THEMIS: variants seen among roughly 807,000 people sequenced by gnomAD.
THEMIS encodes the protein protein THEMIS.
A neutral mutation model predicts 52.6 loss-of-function variants in THEMIS; 37 were observed. The observed-to-expected ratio is 0.70, with a 90% CI of 0.54 to 0.93. THEMIS has a LOEUF of 0.93. THEMIS is among the 40% of genes least tolerant of loss of function. The pLI, the probability that THEMIS is intolerant of heterozygous loss-of-function variation, is 0.00. For synonymous variants in THEMIS, 292 were observed against 272.7 expected (o/e 1.07, Z -0.70); for missense variants, 808 against 763.1 (o/e 1.06, Z -0.69).
chr6:127,823,063 T>C (rs1778394280), intron 3 of THEMIS, among the ~76,000 whole-genome samples: 1 of 152,158 alleles, frequency 6.6e-6, no homozygotes, highest in Non-Finnish European at 1.5e-5. Context: ...TTAGCACACA[T>C]AGATATTCTT....
intron 2 of THEMIS, among the ~76,000 whole-genome samples, chr6:127,842,816 T>C (rs1779093402): frequency 6.6e-6 from 1 of 151,892 alleles, no homozygotes; most frequent in Non-Finnish European, 1.5e-5. Context: ...GGTTCCCCAA[T>C]TATGTGTTCA....
intron 2 of THEMIS, among the ~76,000 whole-genome samples, chr6:127,844,835 G>T (rs373560400): frequency 2.0e-5 from 3 of 151,830 alleles, no homozygotes; most frequent in East Asian, 3.9e-4. Context: ...GGCAAGATTG[G>T]CATGTTTTCT....
intron 5 of THEMIS, among the ~76,000 whole-genome samples, chr6:127,719,001 G>A (rs1421993564): frequency 6.6e-6 from 1 of 151,884 alleles, no homozygotes; most frequent in South Asian, 2.1e-4. Flanking sequence ...CAAACCGTAT[G>A]CTTAAGAATA....
intron 4 of THEMIS, among the ~76,000 whole-genome samples, chr6:127,785,355 A>G (rs114746988): frequency 0.011 from 1,701 of 151,938 alleles, 23 homozygotes; most frequent in African/African-American, 0.038. Context: ...CTGAATTGAA[A>G]TTTTGATCCT....
At chr6:127,818,307 C>A (rs72971396) in intron 3 of THEMIS, among the ~76,000 whole-genome samples, 1,631 of 152,228 alleles carry the variant, frequency 0.011, 17 homozygotes, top group Middle Eastern at 0.037. Flanking sequence ...GAAATCCCCC[C>A]TCCATAACAT....
intron 3 of THEMIS, among the ~76,000 whole-genome samples, chr6:127,819,144 A>AG: frequency 6.7e-6 from 1 of 149,638 alleles, no homozygotes; most frequent in African/African-American, 2.4e-5. Context: ...AAAAAAAAAA[A>AG]AAAAAGAAAG....
At chr6:127,757,540 T>C (rs1478632079) in intron 4 of THEMIS, among the ~76,000 whole-genome samples, 1 of 151,950 alleles carries the variant, frequency 6.6e-6, no homozygotes, top group East Asian at 1.9e-4. Flanking sequence ...TGGAGTGCAG[T>C]GGCGCTATCT....
At chr6:127,907,986 C>G (rs1282887218) in intron 1 of THEMIS, among the ~76,000 whole-genome samples, 1 of 151,774 alleles carries the variant, frequency 6.6e-6, no homozygotes, top group Non-Finnish European at 1.5e-5. Flanking sequence ...AAATAAAATC[C>G]TACTATACAC....
chr6:127,782,566 C>A (rs1401748633), intron 4 of THEMIS, among the ~76,000 whole-genome samples: 1 of 152,234 alleles, frequency 6.6e-6, no homozygotes, highest in African/African-American at 2.4e-5. Context: ...TCCCTGACCC[C>A]TTGCACTTCC....
At chr6:127,776,625 T>C (rs270012) in intron 4 of THEMIS, among the ~76,000 whole-genome samples, 84,259 of 152,076 alleles carry the variant, frequency 0.55, 24,721 homozygotes, top group Non-Finnish European at 0.65. Flanking sequence ...AACCACCGAG[T>C]TAAGCTGCTC....
chr6:127,822,359 T>A (rs993416393), intron 3 of THEMIS, among the ~76,000 whole-genome samples: 3 of 152,102 alleles, frequency 2.0e-5, no homozygotes, highest in Non-Finnish European at 2.9e-5. Context: ...AAAGCTATAC[T>A]GTGAATTTCT....
At chr6:127,718,365 T>C (rs1301610262) in intron 5 of THEMIS, among the ~76,000 whole-genome samples, 1 of 151,882 alleles carries the variant, frequency 6.6e-6, no homozygotes, top group Non-Finnish European at 1.5e-5. Context: ...CCAGGTCATC[T>C]TTGTCCCTAA....
chr6:127,812,780 C>T, intron 4 of THEMIS, 103 bp downstream of exon 4: 2 of 1,174,364 alleles, frequency 1.7e-6, no homozygotes, highest in Non-Finnish European at 2.4e-6. Context: ...GCAAATATGG[C>T]ATGAAAGAAA....
intron 4 of THEMIS, among the ~76,000 whole-genome samples, chr6:127,749,233 C>T (rs1234018233): frequency 6.6e-6 from 1 of 151,996 alleles, no homozygotes; most frequent in African/African-American, 2.4e-5. Context: ...CAGCTATGGC[C>T]TTCAGAGTAT....
chr6:127,848,464 G>C (rs1779301029), intron 2 of THEMIS, among the ~76,000 whole-genome samples: 1 of 151,756 alleles, frequency 6.6e-6, no homozygotes, highest in Admixed American at 6.6e-5. Context: ...TGGGTCAAAT[G>C]GTATTTCTAG....
chr6:127,702,926 G>A, the THEMIS span, among the ~76,000 whole-genome samples: 17 of 151,190 alleles, frequency 1.1e-4, no homozygotes, highest in Admixed American at 8.6e-4. Context: ...CACACAACAC[G>A]TGGGAATTCA....
chr6:127,736,820 C>T (rs1775021856), intron 4 of THEMIS, among the ~76,000 whole-genome samples: 1 of 114,222 alleles, frequency 8.8e-6, no homozygotes, highest in African/African-American at 3.2e-5. Context: ...GTTTTGAAAA[C>T]TATGACATAA....
chr6:127,875,365 G>A (rs1232855329), intron 1 of THEMIS, among the ~76,000 whole-genome samples: 1 of 152,224 alleles, frequency 6.6e-6, no homozygotes, highest in Non-Finnish European at 1.5e-5. Flanking sequence ...CATACAAGGT[G>A]AAGTAGTAGA....
rs780484791 is a variant in THEMIS, at chr6:127,747,009, AT to A, written c.1759-27187del. 3.5e-3 allele frequency among the ~76,000 whole-genome samples: 314 copies of A among 88,888 alleles called. 5 individuals are homozygous for A. Among genetic ancestry groups the A allele is most frequent in the African/African-American group, 0.014 (273 of 19,008 alleles). 58.3% of individuals were successfully genotyped at this position (88,888 alleles called of 152,430 possible). The stretch of plus-strand genomic sequence containing the variant: ...ATTATATATAGATATCTATAATTAT[AT>A]TATATATAATTATATATAGATATAA... On this transcript the variant is annotated intron_variant, in intron 4 of 5. Transcript: ENST00000368248.
Sources: allele counts gnomAD v4.1 joint callset (sites outside exome capture counted in the v4.1 genomes callset), GRCh38; gene constraint gnomAD v4.1.1; transcripts MANE v1.5; gene names NCBI Gene and HGNC (gene_info 2026-07-23, HGNC 2026-07-21).